Variants in SON observed in about 807,000 individuals in gnomAD.
SON encodes the protein SON DNA and RNA binding protein.
Under a neutral mutation model 173.3 loss-of-function variants are expected in SON, and 4 were observed. That is an observed-to-expected ratio of 0.02 (90% confidence interval 0.01 to 0.05). SON has a LOEUF of 0.05. Ranked by LOEUF, SON falls within the 10% of genes least tolerant of loss-of-function variation. The pLI is 1.00. For missense variants in SON, 2,626 were observed against 3,055.3 expected, an observed-to-expected ratio of 0.86 and a Z score of 3.31; for synonymous variants, 1,190 against 1,105.9, an observed-to-expected ratio of 1.08 and a Z score of -1.51.
Position 33,552,323 on chromosome 21 carries a change from G to A in SON, c.3092G>A (p.Arg1031His). The A allele has an allele frequency of 6.2e-7, 1 of 1,613,264 alleles. No individual in the cohort carries two copies. The highest frequency in any genetic ancestry group is 1.3e-5 in the African/African-American group (1 of 74,904). ...TCTATGATGTCCCCTATGGCTGAAC[G>A]CTCTATGATGTCAGCCTACGAGCGC... ...ERSMMSPMAE[R>H]SMMSAYERSM... Residue 1031 changes from arginine to histidine, a missense_variant, in exon 3 of 12, where the codon CGC (arginine) becomes CAC (histidine). By Grantham distance (29) the Arg-to-His change is conservative (BLOSUM62 0). This residue lies in a region of SON where 366 missense variants were observed against 448.6 expected (regional missense o/e 0.82). Coordinates refer to ENST00000356577, the MANE Select transcript of SON (RefSeq NM_138927.4). The surrounding 1 kb of genome is among the most constrained non-coding windows in gnomAD (Gnocchi z 5.6).
chr21:33,556,621 G>T (rs2085971674), intron 3 of SON, among the ~76,000 whole-genome samples: 1 of 151,666 alleles, frequency 6.6e-6, no homozygotes, highest in Non-Finnish European at 1.5e-5. Context: ...GGCTGAGACA[G>T]GAGAATCACT....
At chr21:33,570,301 C>T (rs149123344) in intron 8 of SON, 3 of 152,278 alleles carry the variant, frequency 2.0e-5, no homozygotes, top group African/African-American at 7.2e-5. Flanking sequence ...AGTGAATGAG[C>T]TGAATTTCTG....
chr21:33,574,861 A>G (rs543476603), intron 9 of SON, among the ~76,000 whole-genome samples: 65 of 152,298 alleles, frequency 4.3e-4, no homozygotes, highest in African/African-American at 1.5e-3. Context: ...TTTTGAGAAC[A>G]TCTCCCATTT....
intron 7 of SON, among the ~76,000 whole-genome samples, chr21:33,568,183 T>C (rs529987921): frequency 1.3e-5 from 2 of 152,314 alleles, no homozygotes; most frequent in South Asian, 2.1e-4. Flanking sequence ...AAAAAAAGTA[T>C]ACAAGCTTCT....
At chr21:33,557,833 G>A in intron 4 of SON, 2 of 596,352 alleles carry the variant, frequency 3.4e-6, no homozygotes, top group East Asian at 3.8e-5. Context: ...TGGCGATAAT[G>A]GCCGGCCATT....
Position 33,550,421 on chromosome 21 carries a change from C to A in SON, c.1190C>A (p.Pro397His), listed in dbSNP as rs1601259271. 12 of 1,613,770 alleles carry A rather than the reference C, an allele frequency of 7.4e-6. No homozygotes were observed. The highest frequency in any genetic ancestry group is 1.0e-5 in the Non-Finnish European group (12 of 1,179,910). ...PATSMPELQGPPVTPVLELPG... is the reference protein window; with the variant it reads ...PATSMPELQGHPVTPVLELPG... ...ACCTCCATGCCGGAGTTGCAGGGGC[C>A]CCCTGTGACTCCAGTGCTGGAGTTA... The change falls in exon 3 of 12, where the codon CCC becomes CAC. Residue 397 changes from proline (P) to histidine (H), a missense_variant. This residue lies in a region of SON where 757 missense variants were observed against 730.1 expected (regional missense o/e 1.04). Coordinates refer to ENST00000356577, the MANE Select transcript of SON (RefSeq NM_138927.4).
At chr21:33,548,830 AGT>A (rs1188978370) in intron 2 of SON, among the ~76,000 whole-genome samples, 1 of 152,262 alleles carries the variant, frequency 6.6e-6, no homozygotes, top group Non-Finnish European at 1.5e-5. Flanking sequence ...AAATATATTC[AGT>A]GACAAAAGTA....
chr21:33,549,431 C>G, intron 2 of SON, 45 bp from the exon 3 acceptor site: 2 of 1,462,146 alleles, frequency 1.4e-6, no homozygotes, highest in Non-Finnish European at 9.2e-7. Flanking sequence ...TAATCTAACT[C>G]TACTTTGGGG....
chr21:33,557,792 T>A, intron 4 of SON: 3 of 1,189,438 alleles, frequency 2.5e-6, no homozygotes, highest in East Asian at 2.9e-5. Context: ...CGCATCAACA[T>A]TTCGGGTTTT....
At chr21:33,548,205 A>G (rs1010487009) in intron 2 of SON, among the ~76,000 whole-genome samples, 1 of 151,756 alleles carries the variant, frequency 6.6e-6, no homozygotes, top group African/African-American at 2.4e-5. Flanking sequence ...AGGACTAAGA[A>G]TTTCCTCTCT....
chr21:33,554,852 G>T lies in SON; in HGVS notation c.5621G>T (p.Ser1874Ile). The change falls in exon 3 of 12, where the codon AGC becomes ATC. Residue 1874 changes from serine to isoleucine, a missense_variant. This residue lies in a region of SON where 1,006 missense variants were observed against 895.6 expected (regional missense o/e 1.12). Coordinates refer to ENST00000356577, the MANE Select transcript of SON (RefSeq NM_138927.4). Reference protein sequence around the residue: ...RSRSRRRRRSSRSRSKSRGRR... With the variant: ...RSRSRRRRRSIRSRSKSRGRR... ...CGTTCAAGACGCAGGAGGAGAAGCA[G>T]CAGATCAAGATCAAAGTCTAGAGGA... 1.2e-6 allele frequency: 2 copies of T among 1,614,062 alleles called. No homozygotes were observed. Among genetic ancestry groups the T allele is most frequent in the Non-Finnish European group, 1.7e-6 (2 of 1,180,050 alleles).
intron 6 of SON, among the ~76,000 whole-genome samples, chr21:33,565,440 G>C (rs1601287176): frequency 6.6e-6 from 1 of 152,180 alleles, no homozygotes; most frequent in African/African-American, 2.4e-5. Context: ...GTCGCATCTT[G>C]TGTGCCTTCA....
intron 8 of SON, among the ~76,000 whole-genome samples, chr21:33,571,271 A>G (rs1420970304): frequency 6.6e-6 from 1 of 152,218 alleles, no homozygotes; most frequent in East Asian, 1.9e-4. Context: ...TGTAGAAGTC[A>G]TTAGGCAGCT....
chr21:33,568,107 G>T (rs559332178), intron 7 of SON, among the ~76,000 whole-genome samples: 2 of 152,296 alleles, frequency 1.3e-5, no homozygotes, highest in Non-Finnish European at 2.9e-5. Flanking sequence ...GACAGTGCAA[G>T]GTGTTTAGTA....
chr21:33,557,647 C>T (rs2085993469), intron 4 of SON: 1 of 1,536,848 alleles, frequency 6.5e-7, no homozygotes, highest in Non-Finnish European at 8.8e-7. Context: ...CGTTTCCATT[C>T]ACGACGCGTT....
rs191542908 is a variant in SON, at chr21:33,559,117, T to C, written c.6322-113T>C. ...TGCCAAGTTACGTATCTATAACCTATCATGAATCTTGTTTAACTTTGGAAA... is the reference window on the plus strand; with the variant it reads ...TGCCAAGTTACGTATCTATAACCTACCATGAATCTTGTTTAACTTTGGAAA... On this transcript the variant is annotated intron_variant, in intron 4 of 11. Coordinates refer to ENST00000356577, the MANE Select transcript of SON (RefSeq NM_138927.4). The surrounding 1 kb of genome is among the most constrained non-coding windows in gnomAD (Gnocchi z 4.1). 1.5e-5 allele frequency: 12 copies of C among 803,446 alleles called. No homozygotes were observed. Among genetic ancestry groups the C allele is most frequent in the East Asian group, 1.1e-4 (4 of 36,350 alleles). The allele number at this position is 803,446 out of a possible 1,614,324, so 49.8% of individuals were successfully genotyped here.
chr21:33,543,712 C>T (rs2085531218), intron 1 of SON, among the ~76,000 whole-genome samples: 1 of 152,200 alleles, frequency 6.6e-6, no homozygotes, highest in Admixed American at 6.5e-5. Context: ...ATCTGTCAGC[C>T]GTTCTGATAG....
At chr21:33,546,125 T>C in intron 1 of SON, 88 bp from the exon 2 acceptor site, 8 of 1,135,208 alleles carry the variant, frequency 7.0e-6, no homozygotes, top group Non-Finnish European at 1.0e-5. Context: ...TGACAGTCAG[T>C]ACAACATATG....
intron 9 of SON, among the ~76,000 whole-genome samples, chr21:33,574,307 A>G (rs1021226912): frequency 6.6e-6 from 1 of 152,226 alleles, no homozygotes; most frequent in African/African-American, 2.4e-5. Flanking sequence ...AGCTAACTTC[A>G]ATAGTTAAAC....
Sources: allele counts gnomAD v4.1 joint callset (sites outside exome capture counted in the v4.1 genomes callset), GRCh38; gene constraint gnomAD v4.1.1; regional missense constraint gnomAD v4.1.1; non-coding constraint Gnocchi (gnomAD v3.1); transcripts MANE v1.5; gene names NCBI Gene and HGNC (gene_info 2026-07-23, HGNC 2026-07-21).